The following CHD6 variants were observed in gnomAD, a reference collection of about 807,000 sequenced individuals.
The protein encoded by CHD6 is chromodomain helicase DNA binding protein 6.
In CHD6, 50 loss-of-function variants were observed where a neutral mutation model predicts 276.9. The observed-to-expected ratio is 0.18, with a 90% CI of 0.14 to 0.23. The LOEUF is 0.23. Among genes scored for constraint, CHD6 ranks in the 10% least tolerant of loss-of-function variants. The probability of loss-of-function intolerance (pLI) is 1.00; values close to 1 mark genes in which losing one functional copy is unlikely to be tolerated. For missense variants in CHD6, 2,564 were observed against 3,365.8 expected (o/e 0.76, Z 5.89); for synonymous variants, 1,173 against 1,229.3 (o/e 0.95, Z 0.96).
At chr20:41,596,565 G>A (rs183113693) in intron 1 of CHD6, among the ~76,000 whole-genome samples, 19 of 151,828 alleles carry the variant, frequency 1.3e-4, no homozygotes, top group African/African-American at 3.1e-4. Flanking sequence ...CCCAAGACCC[G>A]CAATGGGATA....
chr20:41,576,838 C>A lies in CHD6; in HGVS notation c.-23-25478G>T, dbSNP rs1312511857. Among the ~76,000 whole-genome samples, 5 of 152,186 alleles carry A rather than the reference C, an allele frequency of 3.3e-5. No homozygotes were observed. The East Asian group carries it at 9.6e-4, about 29-fold the overall frequency. On this transcript the variant is annotated intron_variant, in intron 1 of 36. Transcript: ENST00000373233. ...AGATTGTTATTACAATGTTCAGATT[C>A]TTGAGGATGTAGTCATGTTCTCACC...
At chr20:41,445,256 C>T (rs986042480) in intron 25 of CHD6, among the ~76,000 whole-genome samples, 9 of 152,124 alleles carry the variant, frequency 5.9e-5, no homozygotes, top group Non-Finnish European at 1.0e-4. Flanking sequence ...TGTAGATTAT[C>T]GAGAATGACC....
At chr20:41,506,203 A>G (rs1214002022) in intron 5 of CHD6, among the ~76,000 whole-genome samples, 1 of 152,110 alleles carries the variant, frequency 6.6e-6, no homozygotes, top group Non-Finnish European at 1.5e-5. Context: ...CCACTAGTCT[A>G]TTCACAACCT....
intron 3 of CHD6, among the ~76,000 whole-genome samples, chr20:41,518,709 T>C (rs568144705): frequency 1.3e-5 from 2 of 152,298 alleles, no homozygotes; most frequent in East Asian, 3.9e-4. Context: ...CCAAAAATTC[T>C]TTCTGGAGCT....
chr20:41,581,796 T>C (rs1470943994), intron 1 of CHD6, among the ~76,000 whole-genome samples: 3 of 152,214 alleles, frequency 2.0e-5, no homozygotes, highest in Non-Finnish European at 4.4e-5. Context: ...TGAAGAAATA[T>C]TTAATGAGCA....
chr20:41,564,038 G>C (rs1453883996), intron 1 of CHD6: 1 of 778,938 alleles, frequency 1.3e-6, no homozygotes, highest in South Asian at 1.3e-5. Flanking sequence ...AAGATATCTG[G>C]GTTCTGAACA....
At chr20:41,507,978 G>A (rs1417321148) in intron 5 of CHD6, among the ~76,000 whole-genome samples, 1 of 151,954 alleles carries the variant, frequency 6.6e-6, no homozygotes, top group Non-Finnish European at 1.5e-5. Context: ...AGTTTCAAGG[G>A]GATTACACTC....
intron 1 of CHD6, among the ~76,000 whole-genome samples, chr20:41,607,182 A>C (rs1466688309): frequency 6.6e-6 from 1 of 152,188 alleles, no homozygotes; most frequent in East Asian, 1.9e-4. Context: ...AAGGCTCTCC[A>C]AACTCACAAA....
intron 3 of CHD6, among the ~76,000 whole-genome samples, chr20:41,529,513 T>A (rs2044627974): frequency 6.6e-6 from 1 of 152,098 alleles, no homozygotes; most frequent in Admixed American, 6.5e-5. Context: ...GACACACAGG[T>A]ACACTGGTTT....
chr20:41,579,022 C>T (rs1162795201), intron 1 of CHD6, among the ~76,000 whole-genome samples: 3 of 145,858 alleles, frequency 2.1e-5, no homozygotes, highest in Non-Finnish European at 1.5e-5. Flanking sequence ...CCCAGCTACT[C>T]GGGAGGCTGA....
chr20:41,513,222 C>G (rs1322136509), intron 4 of CHD6, among the ~76,000 whole-genome samples: 1 of 152,110 alleles, frequency 6.6e-6, no homozygotes, highest in Non-Finnish European at 1.5e-5. Context: ...TTGCCATGAT[C>G]CACTAAAAAG....
chr20:41,546,565 G>A (rs2045046962), intron 2 of CHD6, among the ~76,000 whole-genome samples: 1 of 152,142 alleles, frequency 6.6e-6, no homozygotes, highest in Admixed American at 6.5e-5. Flanking sequence ...GAGCTGAGAT[G>A]AATAAAAATC....
At chr20:41,406,188 A>C (rs2145360370) in intron 36 of CHD6, among the ~76,000 whole-genome samples, 1 of 152,334 alleles carries the variant, frequency 6.6e-6, no homozygotes, top group Non-Finnish European at 1.5e-5. Flanking sequence ...TTGCTGAAGA[A>C]ATGAAGGACT....
intron 3 of CHD6, among the ~76,000 whole-genome samples, chr20:41,528,292 C>T (rs1411175682): frequency 1.3e-5 from 2 of 152,108 alleles, no homozygotes; most frequent in Admixed American, 6.5e-5. Flanking sequence ...TTCTGATCCC[C>T]TCCTCCAGCT....
rs549035235 is a variant in CHD6, at chr20:41,493,759, G to A, written c.1180-87C>T. 859 of 1,557,478 alleles carry A rather than the reference G, an allele frequency of 5.5e-4. 4 individuals are homozygous for A. The highest frequency in any genetic ancestry group is 3.3e-4 in the Non-Finnish European group (372 of 1,132,266). On this transcript the variant is annotated intron_variant, in intron 9 of 36. Transcript: ENST00000373233. ...GCCAACCTCTGAAAAACCACCCTAC[G>A]TGACTAGACAGGAATACCACTAAGA...
rs897208440 is a variant in CHD6, at chr20:41,457,131, A to G, written c.2829+133T>C. 1.2e-4 allele frequency: 121 copies of G among 1,007,774 alleles called. 1 individual carries two copies. The highest frequency in any genetic ancestry group is 2.7e-4 in the South Asian group (13 of 48,016). 62.4% of individuals were successfully genotyped at this position (1,007,774 alleles called of 1,614,324 possible). A position where few individuals can be genotyped will look rare whatever the true frequency, so the allele number is the denominator to read the frequency against. On this transcript the variant is annotated intron_variant, in intron 18 of 36. Coordinates refer to ENST00000373233, the MANE Select transcript of CHD6 (RefSeq NM_032221.5). ...TCTTAACGATGCCCTGTTGTAGGGA[A>G]TTACCCAATAATGATGTGAGGGCTG...
chr20:41,433,762 A>T (rs1205219781), intron 27 of CHD6, among the ~76,000 whole-genome samples: 1 of 152,196 alleles, frequency 6.6e-6, no homozygotes, highest in Non-Finnish European at 1.5e-5. Flanking sequence ...TGAGGCAAAA[A>T]TTTTAACATT....
intron 27 of CHD6, among the ~76,000 whole-genome samples, chr20:41,427,550 CA>C (rs893985092): frequency 3.7e-4 from 56 of 152,158 alleles, no homozygotes; most frequent in African/African-American, 1.4e-3. Flanking sequence ...GATTCAAATA[CA>C]GGTAATCTGA....
chr20:41,498,164 G>A lies in CHD6; in HGVS notation c.974+4C>T, dbSNP rs767495282. 9.4e-6 allele frequency: 15 copies of A among 1,599,654 alleles called. No individual in the cohort carries two copies. Among genetic ancestry groups the A allele is most frequent in the African/African-American group, 4.0e-5 (3 of 74,326 alleles). ...AATACAGAGAATACTTTAAATAGAC[G>A]TACAAATTTCTATACTTAACGTAGA... On this transcript the variant is annotated splice_donor_region_variant and intron_variant, in intron 7 of 36. Transcript: ENST00000373233.
Sources: gnomAD v4.1 joint callset for allele counts (sites outside exome capture counted in the v4.1 genomes callset) on GRCh38, gnomAD v4.1.1 for gene constraint, MANE v1.5 for transcripts, NCBI Gene and HGNC (gene_info 2026-07-23, HGNC 2026-07-21) for gene names.